PDE4D: variants seen among roughly 807,000 people sequenced by gnomAD.
PDE4D encodes the protein 3',5'-cyclic-AMP phosphodiesterase 4D.
PDE4D carries 24 observed loss-of-function variants against 87.4 expected under a neutral mutation model. That is an observed-to-expected ratio of 0.27 (90% confidence interval 0.20 to 0.39). The LOEUF is 0.39. Among genes scored for constraint, PDE4D ranks in the 10% least tolerant of loss-of-function variants. The pLI is 1.00. For synonymous variants in PDE4D, 384 were observed against 383.2 expected, an observed-to-expected ratio of 1.00 and a Z score of -0.02; for missense variants, 714 against 1,041.0, an observed-to-expected ratio of 0.69 and a Z score of 4.32.
intron 1 of PDE4D, among the ~76,000 whole-genome samples, chr5:59,821,939 T>A (rs1769732910): frequency 6.6e-6 from 1 of 152,222 alleles, no homozygotes; most frequent in Non-Finnish European, 1.5e-5. Context: ...TTTCCCCTTG[T>A]CTAATCTTAA....
At chr5:59,593,344 T>G (rs1826176849) in intron 1 of PDE4D, among the ~76,000 whole-genome samples, 1 of 151,800 alleles carries the variant, frequency 6.6e-6, no homozygotes, top group Non-Finnish European at 1.5e-5. Context: ...AAGAGAAATG[T>G]TGTAAGAATG....
At chr5:59,538,101 A>C (rs187445774) in intron 1 of PDE4D, among the ~76,000 whole-genome samples, 8 of 152,246 alleles carry the variant, frequency 5.3e-5, no homozygotes, top group Non-Finnish European at 8.8e-5. Flanking sequence ...TTCACTGAGT[A>C]AACTAAGTTG....
At chr5:59,392,960 A>T (rs181351927) in intron 1 of PDE4D, among the ~76,000 whole-genome samples, 1 of 152,334 alleles carries the variant, frequency 6.6e-6, no homozygotes, top group African/African-American at 2.4e-5. Flanking sequence ...ATGTGAACTC[A>T]GCTGAAGAAT....
Position 59,330,347 on chromosome 5 carries a change from C to T in PDE4D, c.456-114379G>A, listed in dbSNP as rs576081519. Among the ~76,000 whole-genome samples, 5 of 152,196 alleles carry T rather than the reference C, an allele frequency of 3.3e-5. No homozygotes were observed. In the East Asian group the frequency reaches 9.7e-4, roughly 30 times the overall value. ...TGGTAAGGTAACTATGATCCTTTCA[C>T]ATTAGTGAGATCGTTTGGACCCCAT... On this transcript the variant is annotated intron_variant, in intron 1 of 14. Coordinates refer to ENST00000340635, the MANE Select transcript of PDE4D (RefSeq NM_001104631.2).
intron 2 of PDE4D, chr5:60,147,871 A>G (rs1369303922): frequency 2.3e-6 from 1 of 439,478 alleles, no homozygotes; most frequent in Non-Finnish European, 4.5e-6. Context: ...CTGCCTCCAG[A>G]GTGAGTGATT....
intron 1 of PDE4D, chr5:59,558,606 A>G (rs1158724701): frequency 6.6e-6 from 1 of 152,204 alleles, no homozygotes; most frequent in African/African-American, 2.4e-5. Context: ...GAGAAAAGTA[A>G]GGGATTGAAG....
chr5:59,586,252 C>T (rs1825101175), intron 1 of PDE4D: 1 of 1,130,766 alleles, frequency 8.8e-7, no homozygotes, highest in South Asian at 1.3e-5. Context: ...TAGTTCAAGA[C>T]AAATCCTCAT....
At chr5:60,327,815 A>T (rs1465231691) in intron 1 of PDE4D, among the ~76,000 whole-genome samples, 1 of 152,232 alleles carries the variant, frequency 6.6e-6, no homozygotes, top group African/African-American at 2.4e-5. Context: ...GTTACAGGCA[A>T]CAATATAGAT....
chr5:59,693,571 T>C (rs754031565), intron 1 of PDE4D, among the ~76,000 whole-genome samples: 67 of 152,292 alleles, frequency 4.4e-4, no homozygotes, highest in Non-Finnish European at 8.7e-4. Context: ...TGTTTACCCT[T>C]AAAGATAACT....
Position 58,973,151 on chromosome 5 carries a change from G to GTGTT in PDE4D, c.*1509_*1512dup, listed in dbSNP as rs1742906877. ...AAACCAAATAGGATTAGTTGTATTG[G>GTGTT]TGTTTGTTAATATATTGTTAATATT... is the stretch of plus-strand genomic sequence containing the variant. On this transcript the variant is annotated 3_prime_UTR_variant, in exon 15 of 15. Transcript: ENST00000340635. 2 of 152,058 alleles carry GTGTT rather than the reference G, an allele frequency of 1.3e-5. No individual in the cohort carries two copies. The highest frequency in any genetic ancestry group is 1.5e-5 in the Non-Finnish European group (1 of 68,004). The allele number at this position is 152,058 out of a possible 1,614,324, so 9.4% of individuals were successfully genotyped here.
intron 1 of PDE4D, among the ~76,000 whole-genome samples, chr5:59,616,567 A>G (rs1829697756): frequency 6.6e-6 from 1 of 152,126 alleles, no homozygotes; most frequent in African/African-American, 2.4e-5. Context: ...TTTCCAAGTC[A>G]CCATATATCT....
intron 1 of PDE4D, among the ~76,000 whole-genome samples, chr5:60,327,330 T>C (rs1756891833): frequency 6.6e-6 from 1 of 152,194 alleles, no homozygotes; most frequent in South Asian, 2.1e-4. Context: ...AAGGTCTGTG[T>C]GTACAGGATT....
At chr5:60,478,493 G>C (rs370799973) in intron 1 of PDE4D, among the ~76,000 whole-genome samples, 1 of 139,786 alleles carries the variant, frequency 7.2e-6, no homozygotes, top group Non-Finnish European at 1.7e-5. Flanking sequence ...TTCATTAAAA[G>C]AAACTATTCC....
At chr5:59,738,602 G>T (rs191927145) in intron 1 of PDE4D, among the ~76,000 whole-genome samples, 14 of 151,978 alleles carry the variant, frequency 9.2e-5, no homozygotes, top group African/African-American at 3.4e-4. Flanking sequence ...TACACTAGGG[G>T]CCCCAGTTTT....
At chr5:59,256,751 A>C (rs548040726) in intron 1 of PDE4D, among the ~76,000 whole-genome samples, 1 of 152,208 alleles carries the variant, frequency 6.6e-6, no homozygotes, top group Non-Finnish European at 1.5e-5. Context: ...ATCTTTACTT[A>C]AATGGACATA....
chr5:60,478,473 A>G (rs1470564497), intron 1 of PDE4D, among the ~76,000 whole-genome samples: 3 of 151,944 alleles, frequency 2.0e-5, no homozygotes, highest in East Asian at 3.8e-4. Flanking sequence ...CCGTAGCACT[A>G]GAGTCTATTT....
intron 1 of PDE4D, among the ~76,000 whole-genome samples, chr5:59,847,473 T>C (rs543494974): frequency 1.3e-5 from 2 of 152,194 alleles, no homozygotes; most frequent in South Asian, 4.1e-4. Context: ...CCAGTTCAGG[T>C]AAGGCTACAT....
chr5:59,172,129 T>G (rs1263648583), intron 5 of PDE4D, among the ~76,000 whole-genome samples: 1 of 90,774 alleles, frequency 1.1e-5, no homozygotes, highest in East Asian at 2.9e-4. Flanking sequence ...ATATATTATA[T>G]ATATAATAAA....
intron 5 of PDE4D, among the ~76,000 whole-genome samples, chr5:59,161,184 G>C (rs1297154123): frequency 6.6e-6 from 1 of 151,672 alleles, no homozygotes; most frequent in East Asian, 1.9e-4. Flanking sequence ...TTTAGAAAGT[G>C]TATTTTGCCA....
Sources: gnomAD v4.1 joint callset for allele counts (sites outside exome capture counted in the v4.1 genomes callset) on GRCh38, gnomAD v4.1.1 for gene constraint, MANE v1.5 for transcripts, NCBI Gene and HGNC (gene_info 2026-07-23, HGNC 2026-07-21) for gene names.